RAB3IP: variants seen among roughly 807,000 people sequenced by gnomAD.
RAB3IP encodes rab-3A-interacting protein.
In RAB3IP, 36 loss-of-function variants were observed where a neutral mutation model predicts 59.1. The ratio of observed to expected loss-of-function variants is 0.61; its 90% CI spans 0.47 to 0.80. The LOEUF (loss-of-function observed/expected upper bound fraction) is 0.80, where lower values mean the gene tolerates loss of function less well. Among genes scored for constraint, RAB3IP ranks in the 30% least tolerant of loss-of-function variants. The pLI, the probability that RAB3IP is intolerant of heterozygous loss-of-function variation, is 0.00. For missense variants in RAB3IP, 511 were observed against 536.0 expected (o/e 0.95, Z 0.46); for synonymous variants, 207 against 191.2 (o/e 1.08, Z -0.68).
Position 69,750,115 on chromosome 12 carries a change from G to A in RAB3IP, c.-25-5269G>A, listed in dbSNP as rs115534467. Among the ~76,000 whole-genome samples the A allele has an allele frequency of 5.5e-3, 841 of 152,230 alleles. 4 individuals are homozygous for A. Among genetic ancestry groups the A allele is most frequent in the African/African-American group, 0.019 (784 of 41,520 alleles). ...AGCTTGGACAGTAGGGTCTAATAAC[G>A]GTAGGCTTTAATTCTGACTACTCTA... On this transcript the variant is annotated intron_variant, in intron 1 of 10. Transcript: ENST00000247833.
intron 8 of RAB3IP, among the ~76,000 whole-genome samples, chr12:69,803,176 A>G (rs1432876693): frequency 6.6e-6 from 1 of 152,210 alleles, no homozygotes; most frequent in Non-Finnish European, 1.5e-5. Context: ...ATTAAAGTGG[A>G]TTTATAGTAT....
intron 3 of RAB3IP, among the ~76,000 whole-genome samples, chr12:69,773,399 CT>C (rs71437123): frequency 0.012 from 562 of 48,016 alleles, 1 homozygote; most frequent in South Asian, 0.017. Flanking sequence ...ATTTGTCTTT[CT>C]TTTTTTTTTT....
intron 1 of RAB3IP, among the ~76,000 whole-genome samples, chr12:69,741,083 A>G (rs1440283678): frequency 2.6e-5 from 4 of 152,246 alleles, no homozygotes; most frequent in African/African-American, 9.6e-5. Flanking sequence ...TTTCAACCTA[A>G]TATGAACTTC....
chr12:69,796,737 C>A, intron 6 of RAB3IP: 1 of 492,462 alleles, frequency 2.0e-6, no homozygotes, highest in South Asian at 3.4e-5. Context: ...ACTTCTTTGT[C>A]CTAACTTTAA....
At chr12:69,742,506 A>G (rs1276754395) in intron 1 of RAB3IP, among the ~76,000 whole-genome samples, 1 of 152,050 alleles carries the variant, frequency 6.6e-6, no homozygotes, top group East Asian at 1.9e-4. Flanking sequence ...AATTGTTTCT[A>G]GGGCCCTAGA....
At chr12:69,772,760 G>A (rs548941455) in intron 3 of RAB3IP, among the ~76,000 whole-genome samples, 1 of 152,166 alleles carries the variant, frequency 6.6e-6, no homozygotes, top group Admixed American at 6.5e-5. Flanking sequence ...TCTTAACAAA[G>A]TATTACAGTT....
chr12:69,779,992 C>G (rs887994758), intron 3 of RAB3IP, among the ~76,000 whole-genome samples: 1 of 152,164 alleles, frequency 6.6e-6, no homozygotes, highest in African/African-American at 2.4e-5. Flanking sequence ...GTGGGCCTAT[C>G]TAGAGATCTA....
intron 3 of RAB3IP, among the ~76,000 whole-genome samples, chr12:69,760,863 A>G (rs1592482753): frequency 6.6e-6 from 1 of 151,930 alleles, no homozygotes; most frequent in African/African-American, 2.4e-5. Context: ...TGTGATTGTG[A>G]TTTGCTTTGG....
At chr12:69,786,453 A>C (rs1390154433) in intron 4 of RAB3IP, among the ~76,000 whole-genome samples, 3 of 152,168 alleles carry the variant, frequency 2.0e-5, no homozygotes, top group Non-Finnish European at 4.4e-5. Flanking sequence ...GAATAAATTT[A>C]AGGATAGGAA....
intron 1 of RAB3IP, among the ~76,000 whole-genome samples, chr12:69,751,938 A>C (rs975175346): frequency 1.3e-5 from 2 of 151,294 alleles, no homozygotes; most frequent in Non-Finnish European, 2.9e-5. Flanking sequence ...TCTAGCTTTC[A>C]TATTTTTCAC....
chr12:69,807,262 A>T (rs1428941576), intron 8 of RAB3IP, among the ~76,000 whole-genome samples: 2 of 143,932 alleles, frequency 1.4e-5, no homozygotes, highest in Non-Finnish European at 3.0e-5. Context: ...GGCGCTCCTC[A>T]CCTCCCAGAC....
chr12:69,758,991 A>AT (rs10715719), intron 3 of RAB3IP, among the ~76,000 whole-genome samples: 9 of 148,574 alleles, frequency 6.1e-5, no homozygotes, highest in Non-Finnish European at 8.9e-5. Flanking sequence ...CACTTCTAAG[A>AT]TTTTTTTTTT....
chr12:69,805,544 G>A (rs1275774306), intron 8 of RAB3IP, among the ~76,000 whole-genome samples: 1 of 151,968 alleles, frequency 6.6e-6, no homozygotes, highest in South Asian at 2.1e-4. Flanking sequence ...TTGAATAGGA[G>A]TGGTGAGAGA....
At chr12:69,803,387 G>A (rs1312548022) in intron 8 of RAB3IP, among the ~76,000 whole-genome samples, 2 of 152,218 alleles carry the variant, frequency 1.3e-5, no homozygotes, top group South Asian at 4.1e-4. Context: ...TAATGACTAA[G>A]TGAGTGGCAC....
intron 4 of RAB3IP, among the ~76,000 whole-genome samples, chr12:69,791,073 A>G (rs939467711): frequency 2.0e-5 from 3 of 152,198 alleles, no homozygotes; most frequent in African/African-American, 7.2e-5. Flanking sequence ...CAAAAATGCT[A>G]AGGACACCTA....
intron 6 of RAB3IP, among the ~76,000 whole-genome samples, chr12:69,797,520 T>C (rs1229018294): frequency 1.3e-5 from 2 of 149,012 alleles, no homozygotes; most frequent in East Asian, 3.9e-4. Context: ...GCATCTTTCT[T>C]TTTTTTTTAA....
chr12:69,767,994 T>G (rs893214851), intron 3 of RAB3IP, among the ~76,000 whole-genome samples: 2 of 152,204 alleles, frequency 1.3e-5, no homozygotes, highest in Non-Finnish European at 2.9e-5. Flanking sequence ...GAGATCTGCT[T>G]GGGCATTTAA....
rs78036735 is a variant in RAB3IP at position 69,763,813 on chromosome 12, T to C, written c.510+7150T>C. ...TCTATTTTTCCCATCTTTAGGTCCA[T>C]GAGTACAATGTTTAGCTCCCACTTA... On this transcript the variant is annotated intron_variant, in intron 3 of 10. Transcript: ENST00000247833. Among the ~76,000 whole-genome samples, 7 of 152,258 alleles carry C rather than the reference T, an allele frequency of 4.6e-5. No homozygotes were observed. In the East Asian group the frequency reaches 1.4e-3, roughly 29 times the overall value.
intron 1 of RAB3IP, among the ~76,000 whole-genome samples, chr12:69,752,028 G>A (rs1308627324): frequency 7.1e-6 from 1 of 141,776 alleles, no homozygotes; most frequent in African/African-American, 2.6e-5. Context: ...TTTCAGGATA[G>A]GGTCTCGTTC....
Sources: allele counts gnomAD v4.1 joint callset (sites outside exome capture counted in the v4.1 genomes callset), GRCh38; gene constraint gnomAD v4.1.1; transcripts MANE v1.5; gene names NCBI Gene and HGNC (gene_info 2026-07-23, HGNC 2026-07-21).